Variants in CDH4 observed in about 807,000 individuals in gnomAD.
The protein encoded by CDH4 is cadherin-4.
CDH4 carries 33 observed loss-of-function variants against 86.0 expected under a neutral mutation model. The ratio of observed to expected loss-of-function variants is 0.38; its 90% CI spans 0.29 to 0.51. The LOEUF (loss-of-function observed/expected upper bound fraction) is 0.51, where lower values mean the gene tolerates loss of function less well. Among genes scored for constraint, CDH4 ranks in the 20% least tolerant of loss-of-function variants. The probability of loss-of-function intolerance (pLI) is 0.86; values close to 1 mark genes in which losing one functional copy is unlikely to be tolerated. For missense variants in CDH4, 1,114 were observed against 1,307.4 expected (o/e 0.85, Z 2.28); for synonymous variants, 555 against 549.4 (o/e 1.01, Z -0.14).
rs887591835 is a variant in CDH4, at chr20:61,510,894, G to A, written c.170-232669G>A. ...GCCTCAGGAAGCTGACAATGGTGGG[G>A]GAAGGTGAGGGGGTGGGGACAGACA... On this transcript the variant is annotated intron_variant, in intron 2 of 15. Coordinates refer to ENST00000614565, the MANE Select transcript of CDH4 (RefSeq NM_001794.5). The surrounding 1 kb of genome is among the most constrained non-coding windows in gnomAD (Gnocchi z 4.2). Among the ~76,000 whole-genome samples, 1 of 151,790 alleles carries A rather than the reference G, an allele frequency of 6.6e-6. No homozygotes were observed. The highest frequency in any genetic ancestry group is 1.5e-5 in the Non-Finnish European group (1 of 67,996).
At chr20:61,588,462 G>GAA (rs1250875441) in intron 2 of CDH4, among the ~76,000 whole-genome samples, 1 of 152,054 alleles carries the variant, frequency 6.6e-6, no homozygotes, top group Non-Finnish European at 1.5e-5. Flanking sequence ...GGGAGAGAAA[G>GAA]AAAAAAAGAA....
intron 2 of CDH4, among the ~76,000 whole-genome samples, chr20:61,713,189 C>T (rs746029762): frequency 4.6e-5 from 7 of 152,330 alleles, no homozygotes; most frequent in Non-Finnish European, 8.8e-5. Flanking sequence ...ATCTGCACAT[C>T]CTCACAAAAT....
At chr20:61,817,017 G>A (rs573637792) in intron 4 of CDH4, among the ~76,000 whole-genome samples, 11 of 152,352 alleles carry the variant, frequency 7.2e-5, no homozygotes, top group East Asian at 3.9e-4. Flanking sequence ...AGGCTTGGCC[G>A]CCGCATGGAA....
chr20:61,632,778 A>C, intron 2 of CDH4, among the ~76,000 whole-genome samples: 1 of 145,014 alleles, frequency 6.9e-6, no homozygotes, highest in Admixed American at 6.8e-5. Flanking sequence ...TCACCCACTG[A>C]CCCGTCTGCC....
At chr20:61,360,128 G>A (rs2084775827) in intron 2 of CDH4, among the ~76,000 whole-genome samples, 1 of 152,226 alleles carries the variant, frequency 6.6e-6, no homozygotes, top group Non-Finnish European at 1.5e-5. Flanking sequence ...TCGGCATCTT[G>A]GGGAAGGGAG....
chr20:61,764,440 A>G (rs915361217), intron 3 of CDH4, among the ~76,000 whole-genome samples: 9 of 152,036 alleles, frequency 5.9e-5, no homozygotes, highest in African/African-American at 2.2e-4. Context: ...AAGAGAGAGG[A>G]TGCCTGTATT....
intron 2 of CDH4, among the ~76,000 whole-genome samples, chr20:61,383,517 ATATG>A (rs1242950052): frequency 8.0e-5 from 7 of 87,758 alleles, no homozygotes; most frequent in Non-Finnish European, 1.4e-4. Flanking sequence ...ATATATATGA[ATATG>A]TATGAATATA....
Position 61,754,011 on chromosome 20 carries a change from CA to C in CDH4, c.396+10223del, listed in dbSNP as rs1364273973. Among the ~76,000 whole-genome samples the C allele has an allele frequency of 2.0e-5, 3 of 152,158 alleles. No homozygotes were observed. The highest frequency in any genetic ancestry group is 4.4e-5 in the Non-Finnish European group (3 of 68,018). On this transcript the variant is annotated intron_variant, in intron 3 of 15. Coordinates refer to ENST00000614565, the MANE Select transcript of CDH4 (RefSeq NM_001794.5). The surrounding 1 kb of genome is among the most constrained non-coding windows in gnomAD (Gnocchi z 4.7). The stretch of plus-strand genomic sequence containing the variant: ...GTCCTTATAGAAGGGGAAATTTGGG[CA>C]CAGACAGGCACAGGGAGAAGTCCTG...
chr20:61,430,988 G>A (rs955146471), intron 2 of CDH4, among the ~76,000 whole-genome samples: 1 of 152,176 alleles, frequency 6.6e-6, no homozygotes, highest in South Asian at 2.1e-4. Flanking sequence ...TGCCCCAGAC[G>A]CCTCCTTCCC....
chr20:61,370,313 C>G (rs1568817155), intron 2 of CDH4: 1 of 152,510 alleles, frequency 6.6e-6, no homozygotes, highest in Admixed American at 6.5e-5. Context: ...CCTCTGCATG[C>G]CTTCAAGGAG....
rs533835697 is a variant in CDH4, at chr20:61,392,916, A to G, written c.169+137979A>G. Among the ~76,000 whole-genome samples the G allele has an allele frequency of 2.0e-5, 3 of 152,100 alleles. No individual in the cohort carries two copies. Among genetic ancestry groups the G allele is most frequent in the South Asian group, 2.1e-4 (1 of 4,804 alleles). On this transcript the variant is annotated intron_variant, in intron 2 of 15. Transcript: ENST00000614565. The surrounding 1 kb of genome is among the most constrained non-coding windows in gnomAD (Gnocchi z 5.7). ...TGGATTGACATAAAGTCTCCCGATC[A>G]GGGAAGGAGGTGCAGATACTCACCC...
rs2055022281 is a variant in CDH4, at chr20:61,924,412, G to T, written c.1707G>T (p.Leu569=). Residue 569 remains leucine (L), a synonymous_variant, in exon 11 of 16, where the codon CTG becomes CTT. Transcript: ENST00000614565. Reference sequence around the variant, plus strand: ...GCCAGATCACCACGGCGGCAGTGCTGGACCGTGAGTCCCTCTACACCAAAA... The same window carrying T: ...GCCAGATCACCACGGCGGCAGTGCTTGACCGTGAGTCCCTCTACACCAAAA... The part of the protein sequence containing the change: ...TNGQITTAAV[L]DRESLYTKNN... 6.2e-7 allele frequency: 1 copy of T among 1,613,738 alleles called. No homozygotes were observed. Among genetic ancestry groups the T allele is most frequent in the African/African-American group, 1.3e-5 (1 of 74,926 alleles).
intron 7 of CDH4, among the ~76,000 whole-genome samples, chr20:61,885,477 A>G (rs2146172705): frequency 6.6e-6 from 1 of 152,306 alleles, no homozygotes; most frequent in South Asian, 2.1e-4. Flanking sequence ...ATGCCTCTTA[A>G]TGGCTGAATA....
intron 2 of CDH4, among the ~76,000 whole-genome samples, chr20:61,464,871 A>G (rs2085464184): frequency 6.6e-6 from 1 of 152,234 alleles, no homozygotes. Flanking sequence ...CTGAGAACAA[A>G]GAAGCCGGCT....
At position 61,336,116 on chromosome 20, in the gene CDH4, G is replaced by A. The variant is rs79075920; in HGVS notation, c.169+81179G>A. Among the ~76,000 whole-genome samples, 412 of 152,192 alleles carry A rather than the reference G, an allele frequency of 2.7e-3. 3 individuals are homozygous for A. Among genetic ancestry groups the A allele is most frequent in the African/African-American group, 9.2e-3 (381 of 41,502 alleles). ...GAGATGCATTCTCATCAGCTCTCCCGCCTGGGAACTTTCCCCTTCTTAGAG... is the reference window on the plus strand; with the variant it reads ...GAGATGCATTCTCATCAGCTCTCCCACCTGGGAACTTTCCCCTTCTTAGAG... On this transcript the variant is annotated intron_variant, in intron 2 of 15. Coordinates refer to ENST00000614565, the MANE Select transcript of CDH4 (RefSeq NM_001794.5).
At chr20:61,867,530 A>C (rs532486327) in intron 6 of CDH4, among the ~76,000 whole-genome samples, 1 of 144,896 alleles carries the variant, frequency 6.9e-6, no homozygotes, top group East Asian at 2.0e-4. Flanking sequence ...TGCCTGGGCG[A>C]CAGAGCAAGA....
intron 6 of CDH4, among the ~76,000 whole-genome samples, chr20:61,870,688 A>T (rs1487434193): frequency 1.3e-5 from 2 of 152,054 alleles, no homozygotes; most frequent in Non-Finnish European, 2.9e-5. Flanking sequence ...TCTCCCTTTG[A>T]CTTTCTGAAC....
chr20:61,742,851 G>A (rs147083340), intron 2 of CDH4, among the ~76,000 whole-genome samples: 60 of 152,282 alleles, frequency 3.9e-4, no homozygotes, highest in African/African-American at 1.4e-3. Flanking sequence ...TTTTGGAAGC[G>A]AAGCAATGCT....
rs997729137 is a variant in CDH4 at position 61,393,006 on chromosome 20, G to A, written c.169+138069G>A. On this transcript the variant is annotated intron_variant, in intron 2 of 15. Transcript: ENST00000614565. This position sits in a 1 kb window ranked among gnomAD's most constrained non-coding sequence, Gnocchi z 4.3. ...CATGCCTTGTCGCTCAGGGCTTGAC[G>A]GGATAGAAAACGTGAGGACAGAGCA... is the stretch of plus-strand genomic sequence containing the variant. Among the ~76,000 whole-genome samples, 1 of 152,156 alleles carries A rather than the reference G, an allele frequency of 6.6e-6. No individual in the cohort carries two copies. The highest frequency in any genetic ancestry group is 1.5e-5 in the Non-Finnish European group (1 of 68,028).
Sources: allele counts gnomAD v4.1 joint callset (sites outside exome capture counted in the v4.1 genomes callset), GRCh38; gene constraint gnomAD v4.1.1; non-coding constraint Gnocchi (gnomAD v3.1); transcripts MANE v1.5; gene names NCBI Gene and HGNC (gene_info 2026-07-23, HGNC 2026-07-21).